CFAP96: variants seen among roughly 807,000 people sequenced by gnomAD.
CFAP96 encodes cilia-and flagella-associated protein 96.
the CFAP96 span, among the ~76,000 whole-genome samples, chr4:185,439,830 C>T: frequency 6.8e-6 from 1 of 146,286 alleles, no homozygotes; most frequent in Admixed American, 6.9e-5. Flanking sequence ...TATGTATATA[C>T]ATAATCTCAT....
the CFAP96 span, among the ~76,000 whole-genome samples, chr4:185,413,342 C>T: frequency 6.6e-6 from 1 of 152,052 alleles, no homozygotes; most frequent in Non-Finnish European, 1.5e-5. Context: ...GAGCTGAGAT[C>T]ACACCATTGC....
the CFAP96 span, among the ~76,000 whole-genome samples, chr4:185,417,546 G>A: frequency 6.6e-6 from 1 of 152,144 alleles, no homozygotes; most frequent in Non-Finnish European, 1.5e-5. Context: ...CATAGCTAGT[G>A]GTTTAGTTAG....
At chr4:185,429,814 T>A in the CFAP96 span, among the ~76,000 whole-genome samples, 1,077 of 152,144 alleles carry the variant, frequency 7.1e-3, 9 homozygotes, top group African/African-American at 0.024. Flanking sequence ...AGGCACACAC[T>A]ACCATGCCCA....
the CFAP96 span, among the ~76,000 whole-genome samples, chr4:185,442,224 G>T: frequency 1.3e-5 from 2 of 151,952 alleles, no homozygotes; most frequent in Non-Finnish European, 2.9e-5. Flanking sequence ...ATTTTCTAAA[G>T]TTCCAAAAAG....
the CFAP96 span, chr4:185,432,025 T>A: frequency 2.9e-5 from 45 of 1,551,572 alleles, no homozygotes; most frequent in East Asian, 1.1e-3. Context: ...AGATGCTACC[T>A]GGAGGGTCCA....
the CFAP96 span, chr4:185,444,967 G>A: frequency 2.6e-6 from 4 of 1,547,512 alleles, no homozygotes; most frequent in African/African-American, 1.4e-5. Flanking sequence ...TTCGCAGCCT[G>A]GTGGAATGAA....
the CFAP96 span, among the ~76,000 whole-genome samples, chr4:185,441,855 G>A: frequency 1.3e-5 from 2 of 151,954 alleles, no homozygotes; most frequent in Non-Finnish European, 2.9e-5. Context: ...CATTTCAAGG[G>A]TTGTAGACAT....
chr4:185,418,097 AAAAT>A, the CFAP96 span, among the ~76,000 whole-genome samples: 17 of 129,278 alleles, frequency 1.3e-4, no homozygotes, highest in Non-Finnish European at 1.8e-4. Context: ...AGTGTGAAGA[AAAAT>A]AAATCATTTA....
At chr4:185,430,389 C>T in the CFAP96 span, among the ~76,000 whole-genome samples, 1 of 152,140 alleles carries the variant, frequency 6.6e-6, no homozygotes, top group South Asian at 2.1e-4. Flanking sequence ...ATAGTGTGCT[C>T]AGCATGAACA....
chr4:185,411,254 A>T, the CFAP96 span, among the ~76,000 whole-genome samples: 1 of 152,144 alleles, frequency 6.6e-6, no homozygotes, highest in Non-Finnish European at 1.5e-5. Flanking sequence ...TGTTACCAAA[A>T]CTAAATTGGT....
the CFAP96 span, among the ~76,000 whole-genome samples, chr4:185,410,210 T>A: frequency 6.6e-6 from 1 of 151,984 alleles, no homozygotes; most frequent in Admixed American, 6.6e-5. Flanking sequence ...AACAAACACT[T>A]CTAAATAATA....
the CFAP96 span, among the ~76,000 whole-genome samples, chr4:185,436,746 TC>T: frequency 0.011 from 774 of 72,252 alleles, 9 homozygotes; most frequent in African/African-American, 0.03. Context: ...TAATAATAAT[TC>T]ACTTGAGATC....
chr4:185,420,268 T>C, the CFAP96 span, among the ~76,000 whole-genome samples: 27 of 152,284 alleles, frequency 1.8e-4, no homozygotes, highest in African/African-American at 6.3e-4. Context: ...TAATAGACTT[T>C]TTAAAAAATA....
At chr4:185,449,522 TAA>T in the CFAP96 span, 501 of 824,486 alleles carry the variant, frequency 6.1e-4, no homozygotes, top group South Asian at 1.3e-3. Flanking sequence ...GACCCGGTCT[TAA>T]AAAAAAAAAA....
chr4:185,435,939 G>A, the CFAP96 span: 1 of 804,884 alleles, frequency 1.2e-6, no homozygotes, highest in East Asian at 2.9e-5. Context: ...ATTAAAACTA[G>A]CATTTTTTTC....
At chr4:185,423,832 GAGAA>G in the CFAP96 span, among the ~76,000 whole-genome samples, 6 of 152,106 alleles carry the variant, frequency 3.9e-5, no homozygotes, top group South Asian at 8.3e-4. Context: ...ACACACACGA[GAGAA>G]AGAGACAGGA....
At chr4:185,443,338 ATATATTT>A in the CFAP96 span, among the ~76,000 whole-genome samples, 25 of 32,100 alleles carry the variant, frequency 7.8e-4, no homozygotes, top group South Asian at 5.4e-3. Context: ...ATATATATAT[ATATATTT>A]TTTTTTTTTT....
At chr4:185,408,485 C>CATATTCTATATATATTCATAT in the CFAP96 span, 1 of 1,528,454 alleles carries the variant, frequency 6.5e-7, no homozygotes. Context: ...GATAGAAGTA[C>CATATTCTATATATATTCATAT]ATATTCTATA....
chr4:185,429,587 C>T, the CFAP96 span: 1 of 831,914 alleles, frequency 1.2e-6, no homozygotes, highest in Non-Finnish European at 1.8e-6. Flanking sequence ...ATATTTAAGT[C>T]AAATGATTTT....
Sources: gnomAD v4.1 joint callset for allele counts (sites outside exome capture counted in the v4.1 genomes callset) on GRCh38, gnomAD v4.1.1 for gene constraint, MANE v1.5 for transcripts, NCBI Gene and HGNC (gene_info 2026-07-23, HGNC 2026-07-21) for gene names.